The following TBC1D22A variants were observed in gnomAD, a reference collection of about 807,000 sequenced individuals.
The protein encoded by TBC1D22A is TBC1 domain family member 22A.
A neutral mutation model predicts 60.2 loss-of-function variants in TBC1D22A; 38 were observed. The observed-to-expected ratio is 0.63, with a 90% confidence interval of 0.49 to 0.83. The LOEUF is 0.83. TBC1D22A is among the 40% of genes least tolerant of loss of function. The pLI is 0.00. For missense variants in TBC1D22A, 628 were observed against 701.0 expected (o/e 0.90, Z 1.18); for synonymous variants, 302 against 281.7 (o/e 1.07, Z -0.72).
At chr22:47,047,875 A>G (rs1464130029) in intron 11 of TBC1D22A, among the ~76,000 whole-genome samples, 1 of 152,170 alleles carries the variant, frequency 6.6e-6, no homozygotes, top group Non-Finnish European at 1.5e-5. Flanking sequence ...TTTCTGCTGC[A>G]GACTCTGCTC....
intron 1 of TBC1D22A, among the ~76,000 whole-genome samples, chr22:46,768,790 C>T (rs1379427078): frequency 3.3e-5 from 5 of 151,870 alleles, no homozygotes; most frequent in Non-Finnish European, 7.4e-5. Flanking sequence ...TGGAGTATGA[C>T]GTTTGAAAGT....
At chr22:46,899,429 A>G (rs924250596) in intron 7 of TBC1D22A, among the ~76,000 whole-genome samples, 1 of 151,544 alleles carries the variant, frequency 6.6e-6, no homozygotes, top group East Asian at 1.9e-4. Flanking sequence ...CCTGGGTGAC[A>G]GAGCAATACT....
At chr22:47,004,963 T>C (rs9627642) in intron 10 of TBC1D22A, among the ~76,000 whole-genome samples, 7,329 of 151,834 alleles carry the variant, frequency 0.048, 520 homozygotes, top group African/African-American at 0.16. Flanking sequence ...CCCTTACATC[T>C]GTACACACCT....
At chr22:46,909,491 C>T (rs1226669900) in intron 7 of TBC1D22A, among the ~76,000 whole-genome samples, 6 of 152,162 alleles carry the variant, frequency 3.9e-5, no homozygotes, top group African/African-American at 7.2e-5. Flanking sequence ...TGCTGGCTGC[C>T]GCGGTCCTCT....
At chr22:47,027,752 C>G (rs925090874) in intron 10 of TBC1D22A, among the ~76,000 whole-genome samples, 4 of 152,284 alleles carry the variant, frequency 2.6e-5, no homozygotes, top group Admixed American at 6.5e-5. Context: ...CGGACCTTAC[C>G]AAAATTAGAA....
At chr22:46,791,689 A>G (rs1323935227) in intron 1 of TBC1D22A, among the ~76,000 whole-genome samples, 1 of 152,188 alleles carries the variant, frequency 6.6e-6, no homozygotes, top group Non-Finnish European at 1.5e-5. Context: ...AGTGTCTGCC[A>G]CGTGGGGTAT....
intron 9 of TBC1D22A, among the ~76,000 whole-genome samples, chr22:46,975,951 C>T (rs759218149): frequency 2.0e-5 from 3 of 152,108 alleles, no homozygotes; most frequent in Admixed American, 6.5e-5. Context: ...GAAAAATGTG[C>T]CCACTAGAGA....
intron 11 of TBC1D22A, among the ~76,000 whole-genome samples, chr22:47,037,633 A>G (rs886937198): frequency 1.3e-5 from 2 of 152,164 alleles, no homozygotes; most frequent in Non-Finnish European, 1.5e-5. Flanking sequence ...TCCATCTCAA[A>G]AAATAAATAA....
At chr22:46,890,918 A>G (rs2068364478) in intron 5 of TBC1D22A, among the ~76,000 whole-genome samples, 1 of 152,122 alleles carries the variant, frequency 6.6e-6, no homozygotes, top group African/African-American at 2.4e-5. Context: ...GCCTCTAGAG[A>G]AGCGCTTGTT....
chr22:47,016,191 G>A (rs73890558), intron 10 of TBC1D22A, among the ~76,000 whole-genome samples: 2,326 of 152,282 alleles, frequency 0.015, 53 homozygotes, highest in African/African-American at 0.053. Flanking sequence ...ACTCCTGAGT[G>A]CACCCCCTTT....
intron 12 of TBC1D22A, among the ~76,000 whole-genome samples, chr22:47,171,266 G>A (rs1884288): frequency 0.26 from 39,868 of 152,198 alleles, 6,653 homozygotes; most frequent in East Asian, 0.72. Context: ...CGAGGCAGGC[G>A]ACATGGGCAT....
chr22:46,941,811 AAT>A (rs1306574532), intron 8 of TBC1D22A, among the ~76,000 whole-genome samples: 2 of 138,704 alleles, frequency 1.4e-5, no homozygotes, highest in African/African-American at 6.0e-5. Context: ...ATATATATAG[AAT>A]ATATATAGAA....
In TBC1D22A at chr22:47,173,670, G is replaced by A. The variant is rs751598054; in HGVS notation, c.*44G>A. 2.6e-5 allele frequency: 42 copies of A among 1,608,418 alleles called. No homozygotes were observed. The highest frequency in any genetic ancestry group is 8.3e-5 in the Admixed American group (5 of 59,904). On this transcript the variant is annotated 3_prime_UTR_variant, in exon 13 of 13. Coordinates refer to ENST00000337137, the MANE Select transcript of TBC1D22A (RefSeq NM_014346.5). ...CTGGCCTCACTGTCCCGGGTGGCGC[G>A]CCCCACCTGCCTGGCTGGTGGTAGG... is the stretch of plus-strand genomic sequence containing the variant.
At chr22:47,012,716 C>T (rs2061789668) in intron 10 of TBC1D22A, among the ~76,000 whole-genome samples, 1 of 152,210 alleles carries the variant, frequency 6.6e-6, no homozygotes, top group Non-Finnish European at 1.5e-5. Context: ...TGGACTGTGG[C>T]CTTCAGGTAG....
intron 8 of TBC1D22A, chr22:46,915,399 G>A (rs1256015270): frequency 2.2e-6 from 1 of 456,560 alleles, no homozygotes; most frequent in Non-Finnish European, 4.4e-6. Context: ...TCAGAGAACA[G>A]AGCCTGGTAA....
intron 12 of TBC1D22A, among the ~76,000 whole-genome samples, chr22:47,159,358 C>G (rs2067867952): frequency 6.6e-6 from 1 of 151,648 alleles, no homozygotes; most frequent in Admixed American, 6.6e-5. Context: ...TCACACAAAG[C>G]ACATACACTC....
At chr22:47,156,575 G>A (rs1972690956) in intron 12 of TBC1D22A, among the ~76,000 whole-genome samples, 1 of 152,160 alleles carries the variant, frequency 6.6e-6, no homozygotes, top group Admixed American at 6.5e-5. Context: ...GCCTCACAGA[G>A]GCGACCAGAA....
chr22:46,878,451 T>C (rs2067681444), intron 4 of TBC1D22A, among the ~76,000 whole-genome samples: 1 of 148,526 alleles, frequency 6.7e-6, no homozygotes, highest in South Asian at 2.2e-4. Flanking sequence ...ACAGGTAACC[T>C]GTAGCTTGGT....
At chr22:47,155,323 C>T (rs1006977719) in intron 12 of TBC1D22A, among the ~76,000 whole-genome samples, 60 of 152,328 alleles carry the variant, frequency 3.9e-4, no homozygotes, top group African/African-American at 1.3e-3. Context: ...GCTGTCCTCC[C>T]GGCGGGCTGG....
Sources: allele counts gnomAD v4.1 joint callset (sites outside exome capture counted in the v4.1 genomes callset), GRCh38; gene constraint gnomAD v4.1.1; transcripts MANE v1.5; gene names NCBI Gene and HGNC (gene_info 2026-07-23, HGNC 2026-07-21).